The following GRID2 variants were observed in gnomAD, a reference collection of about 807,000 sequenced individuals.
GRID2 encodes glutamate receptor ionotropic, delta-2.
A neutral mutation model predicts 114.8 loss-of-function variants in GRID2; 33 were observed. That is an observed-to-expected ratio of 0.29 (90% CI 0.22 to 0.38). The LOEUF (loss-of-function observed/expected upper bound fraction) is 0.38. GRID2 is among the 10% of genes least tolerant of loss of function. The pLI is 1.00. For missense variants in GRID2, 1,184 were observed against 1,257.7 expected, an observed-to-expected ratio of 0.94 and a Z score of 0.89; for synonymous variants, 505 against 449.9, an observed-to-expected ratio of 1.12 and a Z score of -1.55.
At chr4:92,786,251 C>T (rs951687373) in intron 2 of GRID2, among the ~76,000 whole-genome samples, 5 of 151,690 alleles carry the variant, frequency 3.3e-5, no homozygotes, top group African/African-American at 1.2e-4. Context: ...TGGACATGGA[C>T]CCTAGTTTAA....
intron 2 of GRID2, among the ~76,000 whole-genome samples, chr4:93,060,856 A>T (rs921316578): frequency 6.6e-6 from 1 of 152,076 alleles, no homozygotes; most frequent in African/African-American, 2.4e-5. Context: ...TAATCCCATT[A>T]CTCTGGGAGG....
chr4:92,801,719 A>T (rs995682600), intron 2 of GRID2, among the ~76,000 whole-genome samples: 12 of 151,972 alleles, frequency 7.9e-5, no homozygotes, highest in African/African-American at 2.2e-4. Context: ...GTAATAATAC[A>T]TATAGGCTAA....
At chr4:93,179,842 T>A (rs1739714720) in intron 4 of GRID2, among the ~76,000 whole-genome samples, 1 of 152,176 alleles carries the variant, frequency 6.6e-6, no homozygotes, top group African/African-American at 2.4e-5. Flanking sequence ...ATGGGGGGAC[T>A]GATGCATAAA....
chr4:93,526,843 C>G (rs1578192093), intron 13 of GRID2, among the ~76,000 whole-genome samples: 1 of 152,048 alleles, frequency 6.6e-6, no homozygotes, highest in Non-Finnish European at 1.5e-5. Context: ...ATAAAATAAA[C>G]AGGAGACATC....
At chr4:93,232,373 C>T (rs1247424686) in intron 7 of GRID2, among the ~76,000 whole-genome samples, 1 of 151,752 alleles carries the variant, frequency 6.6e-6, no homozygotes, top group Non-Finnish European at 1.5e-5. Context: ...TGACCAATTT[C>T]TGTTAAAATT....
At chr4:92,933,148 A>ATT (rs1280184526) in intron 2 of GRID2, among the ~76,000 whole-genome samples, 1 of 150,410 alleles carries the variant, frequency 6.6e-6, no homozygotes, top group Admixed American at 6.7e-5. Context: ...AATTTTATAC[A>ATT]TTATATATAT....
intron 1 of GRID2, among the ~76,000 whole-genome samples, chr4:92,538,674 A>T (rs1725772814): frequency 6.6e-6 from 1 of 152,180 alleles, no homozygotes. Flanking sequence ...TAGACATCAC[A>T]CTTGTCTATT....
chr4:92,809,753 T>C (rs923892692), intron 2 of GRID2, among the ~76,000 whole-genome samples: 2 of 152,070 alleles, frequency 1.3e-5, no homozygotes. Context: ...TCACTATAGT[T>C]GCATTAGTCT....
At chr4:92,857,902 A>G (rs1450074216) in intron 2 of GRID2, among the ~76,000 whole-genome samples, 1 of 152,194 alleles carries the variant, frequency 6.6e-6, no homozygotes, top group Non-Finnish European at 1.5e-5. Flanking sequence ...AGTTGAAGCC[A>G]TTGCTCATTT....
Position 93,254,480 on chromosome 4 carries a change from C to T in GRID2, c.1245+15990C>T, listed in dbSNP as rs1390771611. On this transcript the variant is annotated intron_variant, in intron 8 of 15. Transcript: ENST00000282020. ...TTTCCAAGCAATTCTTAATCAGAAACTATGGGGAGTTTTATTGCTCTGGAG... is the reference window on the plus strand; with the variant it reads ...TTTCCAAGCAATTCTTAATCAGAAATTATGGGGAGTTTTATTGCTCTGGAG... Among the ~76,000 whole-genome samples the T allele has an allele frequency of 2.0e-5, 3 of 152,052 alleles. No homozygotes were observed. The East Asian group carries it at 5.8e-4, about 29-fold the overall frequency.
intron 11 of GRID2, among the ~76,000 whole-genome samples, chr4:93,476,745 G>A (rs1028286075): frequency 6.6e-5 from 10 of 152,104 alleles, no homozygotes; most frequent in African/African-American, 2.2e-4. Context: ...CATGTGATGG[G>A]AAGTATTCTG....
chr4:93,015,214 C>T (rs1170820405), intron 2 of GRID2, among the ~76,000 whole-genome samples: 2 of 151,988 alleles, frequency 1.3e-5, no homozygotes, highest in African/African-American at 4.8e-5. Flanking sequence ...GATTAAAACC[C>T]ATTGGTAATG....
At position 92,949,907 on chromosome 4, in the gene GRID2, T is replaced by C. The variant is rs191903671; in HGVS notation, c.245-135088T>C. ...ATCAGCCAGCTACAGATAAACAAAC[T>C]GATGCTGAACCTGCAATTGGCCATC... On this transcript the variant is annotated intron_variant, in intron 2 of 15. Coordinates refer to ENST00000282020, the MANE Select transcript of GRID2 (RefSeq NM_001510.4). 1.1e-3 allele frequency among the ~76,000 whole-genome samples: 161 copies of C among 152,224 alleles called. 3 individuals are homozygous for C. Among genetic ancestry groups the C allele is most frequent in the Non-Finnish European group, 1.5e-5 (1 of 67,988 alleles).
At chr4:93,384,210 G>C (rs1764113490) in intron 8 of GRID2, among the ~76,000 whole-genome samples, 1 of 152,112 alleles carries the variant, frequency 6.6e-6, no homozygotes, top group African/African-American at 2.4e-5. Flanking sequence ...GAACCCTCGT[G>C]AATTAATCAC....
chr4:93,709,594 C>T (rs1204567607), intron 14 of GRID2, among the ~76,000 whole-genome samples: 1 of 152,106 alleles, frequency 6.6e-6, no homozygotes, highest in Non-Finnish European at 1.5e-5. Context: ...GTTCTATAAT[C>T]TTCTTGCACT....
chr4:93,216,778 C>A lies in GRID2; in HGVS notation c.830C>A (p.Ser277Ter). ...GACGTACAGGAACTTGTAAGAAGGT[C>A]AATTGGAAGGTTAACGATTATTCGG... ...DVDVQELVRR[S>*]IGRLTIIRQT... Residue 277 changes from serine to a stop codon, truncating the protein, a stop_gained, in exon 6 of 16, where the codon TCA becomes TAA. Transcript: ENST00000282020. LOFTEE classifies it high-confidence loss of function. 6.2e-7 allele frequency: 1 copy of A among 1,612,018 alleles called. No homozygotes were observed. Among genetic ancestry groups the A allele is most frequent in the Non-Finnish European group, 8.5e-7 (1 of 1,178,256 alleles).
At chr4:93,552,369 T>A (rs1484906483) in intron 13 of GRID2, among the ~76,000 whole-genome samples, 1 of 152,058 alleles carries the variant, frequency 6.6e-6, no homozygotes, top group Non-Finnish European at 1.5e-5. Context: ...TAGCAGCATG[T>A]TTTATAATCC....
intron 2 of GRID2, among the ~76,000 whole-genome samples, chr4:92,903,521 A>G (rs2149482924): frequency 6.6e-6 from 1 of 152,116 alleles, no homozygotes; most frequent in East Asian, 1.9e-4. Flanking sequence ...AGGAACCCAC[A>G]GGAATAAATT....
intron 13 of GRID2, among the ~76,000 whole-genome samples, chr4:93,591,398 G>A (rs1337240041): frequency 6.6e-6 from 1 of 151,522 alleles, no homozygotes; most frequent in Non-Finnish European, 1.5e-5. Flanking sequence ...GCATCCCAGG[G>A]ATGAAGCCCA....
Sources: gnomAD v4.1 joint callset for allele counts (sites outside exome capture counted in the v4.1 genomes callset) on GRCh38, gnomAD v4.1.1 for gene constraint, MANE v1.5 for transcripts, NCBI Gene and HGNC (gene_info 2026-07-23, HGNC 2026-07-21) for gene names.